KALRN: variants seen among roughly 807,000 people sequenced by gnomAD.
The protein encoded by KALRN is kalirin RhoGEF kinase.
Under a neutral mutation model 353.7 loss-of-function variants are expected in KALRN, and 70 were observed. The ratio of observed to expected loss-of-function variants is 0.20; its 90% CI spans 0.16 to 0.24. The LOEUF (loss-of-function observed/expected upper bound fraction) is 0.24, where lower values mean the gene tolerates loss of function less well. Ranked by LOEUF, KALRN falls within the 10% of genes least tolerant of loss-of-function variation. KALRN has a pLI of 1.00. For synonymous variants in KALRN, 1,391 were observed against 1,434.8 expected (o/e 0.97, Z 0.69); for missense variants, 2,791 against 3,756.7 (o/e 0.74, Z 6.72).
intron 1 of KALRN, among the ~76,000 whole-genome samples, chr3:124,082,934 G>A (rs2060619898): frequency 6.6e-6 from 1 of 152,224 alleles, no homozygotes; most frequent in Admixed American, 6.5e-5. Context: ...ACCTATCCTA[G>A]GTAAACCTGT....
chr3:124,113,810 C>G (rs1393492253), intron 1 of KALRN, among the ~76,000 whole-genome samples: 2 of 152,160 alleles, frequency 1.3e-5, no homozygotes, highest in African/African-American at 4.8e-5. Flanking sequence ...GTGGCCCAGC[C>G]CAGAATAATA....
chr3:124,082,028 C>G (rs370956192), intron 1 of KALRN, among the ~76,000 whole-genome samples: 3 of 152,182 alleles, frequency 2.0e-5, no homozygotes, highest in Non-Finnish European at 4.4e-5. Flanking sequence ...ATAAGACATG[C>G]CACAGATGAC....
chr3:124,091,092 CA>C (rs2061092469), intron 1 of KALRN, among the ~76,000 whole-genome samples: 1 of 152,220 alleles, frequency 6.6e-6, no homozygotes, highest in Non-Finnish European at 1.5e-5. Context: ...CCACGGGTTC[CA>C]CTCCACCACT....
At chr3:124,086,888 C>T (rs1473443249) in intron 1 of KALRN, among the ~76,000 whole-genome samples, 2 of 152,126 alleles carry the variant, frequency 1.3e-5, no homozygotes, top group Admixed American at 6.5e-5. Context: ...CCTTTCTGAT[C>T]AACAGCAGGT....
chr3:124,215,133 C>T (rs2077209792), intron 1 of KALRN, among the ~76,000 whole-genome samples: 1 of 152,140 alleles, frequency 6.6e-6, no homozygotes, highest in Non-Finnish European at 1.5e-5. Context: ...TGGAGATGCC[C>T]CTGACCATAG....
At chr3:124,430,024 T>A (rs2093200215) in intron 15 of KALRN, among the ~76,000 whole-genome samples, 1 of 152,134 alleles carries the variant, frequency 6.6e-6, no homozygotes, top group South Asian at 2.1e-4. Flanking sequence ...ACCACACCCA[T>A]TATATGCAAA....
At chr3:124,517,809 C>G (rs2066789479) in intron 33 of KALRN, among the ~76,000 whole-genome samples, 1 of 152,136 alleles carries the variant, frequency 6.6e-6, no homozygotes, top group African/African-American at 2.4e-5. Flanking sequence ...AATTTTAAGT[C>G]CATTACTGTC....
Position 124,661,923 on chromosome 3 carries a change from T to C in KALRN, c.6340T>C (p.Phe2114Leu). 1 of 1,613,662 alleles carries C rather than the reference T, an allele frequency of 6.2e-7. No individual in the cohort carries two copies. The highest frequency in any genetic ancestry group is 2.2e-5 in the East Asian group (1 of 44,874). ...GATGAATCTAGGACGTCTGCAGGGC[T>C]TTGAGGTGAGTCTTTAAGAATGCGT... ...DMMNLGRLQG[F>L]EGTLTAQGKL... is the part of the protein sequence containing the mutation. Residue 2114 changes from phenylalanine (F) to leucine (L), a missense_variant, in exon 45 of 60, where the codon TTT becomes CTT. Around this residue, in one of 11 missense-constraint regions of KALRN, gnomAD observed 1,065 missense variants for 1,156.4 expected, o/e 0.92. Coordinates refer to ENST00000682506, the MANE Select transcript of KALRN (RefSeq NM_001388419.1).
At chr3:124,669,842 G>A (rs116622418) in intron 47 of KALRN, among the ~76,000 whole-genome samples, 719 of 151,848 alleles carry the variant, frequency 4.7e-3, no homozygotes, top group African/African-American at 0.01. Context: ...TATAATACCC[G>A]ATATAATGTA....
Position 124,055,231 on chromosome 3 carries a change from T to G in KALRN, c.73+21418T>G, listed in dbSNP as rs9289231. The stretch of plus-strand genomic sequence containing the variant: ...AGGACTTGGTTATACAATTTAATTT[T>G]CTGTCATTCCCATAGAATCTGATTG... On this transcript the variant is annotated intron_variant, in intron 1 of 59. Coordinates refer to ENST00000682506, the MANE Select transcript of KALRN (RefSeq NM_001388419.1). Among the ~76,000 whole-genome samples, 21,633 of 152,212 alleles carry G rather than the reference T, an allele frequency of 0.14. 2,094 individuals carry two copies. The highest frequency in any genetic ancestry group is 0.28 in the African/African-American group (11,581 of 41,494).
At chr3:124,048,323 A>C (rs2040703505) in intron 1 of KALRN, among the ~76,000 whole-genome samples, 2 of 152,338 alleles carry the variant, frequency 1.3e-5, no homozygotes, top group South Asian at 4.1e-4. Flanking sequence ...GATAAATTCA[A>C]CATATACATG....
At chr3:124,347,000 C>A in intron 9 of KALRN, 143 bp from the exon 10 acceptor site, 2 of 1,169,836 alleles carry the variant, frequency 1.7e-6, no homozygotes, top group Non-Finnish European at 2.5e-6. Flanking sequence ...GGACTCACAG[C>A]AGATTGACCA....
At chr3:124,216,253 T>A (rs1257787534) in intron 1 of KALRN, among the ~76,000 whole-genome samples, 1 of 152,128 alleles carries the variant, frequency 6.6e-6, no homozygotes, top group African/African-American at 2.4e-5. Context: ...CCAACCATGG[T>A]ATTGGGTTTC....
chr3:124,327,852 G>C (rs1362516156), intron 7 of KALRN, among the ~76,000 whole-genome samples: 1 of 152,194 alleles, frequency 6.6e-6, no homozygotes, highest in East Asian at 1.9e-4. Flanking sequence ...TAAGAGTCTA[G>C]ACTTTGAGGC....
In KALRN at chr3:124,713,022, G is replaced by C. The variant is rs751516356; in HGVS notation, c.8163G>C (p.Lys2721Asn). 7 of 1,614,036 alleles carry C rather than the reference G, an allele frequency of 4.3e-6. No individual in the cohort carries two copies. In the Admixed American group the frequency reaches 1.2e-4, roughly 27 times the overall value. The change falls in exon 58 of 60, where the codon AAG becomes AAC. Residue 2721 changes from lysine to asparagine, a missense_variant. This residue lies in a region of KALRN where 188 missense variants were observed against 402.9 expected (regional missense o/e 0.47). Transcript: ENST00000682506. ...AVKFVSKKMK[K>N]KEQAAHEAAL... ...AATTTGTTAGCAAAAAAATGAAGAA[G>C]AAAGAACAGGCTGCCCACGAGGCTG...
At chr3:124,127,796 T>A (rs1207608566) in intron 1 of KALRN, among the ~76,000 whole-genome samples, 1 of 152,196 alleles carries the variant, frequency 6.6e-6, no homozygotes, top group Non-Finnish European at 1.5e-5. Context: ...CCCTCTAGAG[T>A]AATGCAAAGC....
chr3:124,485,054 C>T (rs2062403977), intron 28 of KALRN, among the ~76,000 whole-genome samples: 1 of 152,062 alleles, frequency 6.6e-6, no homozygotes, highest in Admixed American at 6.5e-5. Flanking sequence ...CAATATCATG[C>T]CACTGCACTA....
intron 1 of KALRN, among the ~76,000 whole-genome samples, chr3:124,226,905 A>G (rs578184590): frequency 6.6e-6 from 1 of 152,104 alleles, no homozygotes; most frequent in Admixed American, 6.6e-5. Flanking sequence ...CTGACATACA[A>G]CCGCTCGCCT....
intron 33 of KALRN, among the ~76,000 whole-genome samples, chr3:124,523,556 A>T (rs1042336138): frequency 6.6e-6 from 1 of 152,248 alleles, no homozygotes; most frequent in South Asian, 2.1e-4. Flanking sequence ...CATTTTGATT[A>T]TATGTACCAT....
Sources: allele counts gnomAD v4.1 joint callset (sites outside exome capture counted in the v4.1 genomes callset), GRCh38; gene constraint gnomAD v4.1.1; regional missense constraint gnomAD v4.1.1; transcripts MANE v1.5; gene names NCBI Gene and HGNC (gene_info 2026-07-23, HGNC 2026-07-21).